Variants in AFAP1 observed in about 807,000 individuals in gnomAD.
The protein encoded by AFAP1 is actin filament-associated protein 1.
Under a neutral mutation model 93.9 loss-of-function variants are expected in AFAP1, and 75 were observed. The observed-to-expected ratio is 0.80, with a 90% CI of 0.66 to 0.97. The LOEUF is 0.97. Ranked by LOEUF, AFAP1 falls within the 50% of genes least tolerant of loss-of-function variation. The pLI is 0.00. For missense variants in AFAP1, 1,201 were observed against 1,050.8 expected, an observed-to-expected ratio of 1.14 and a Z score of -1.98; for synonymous variants, 517 against 430.7, an observed-to-expected ratio of 1.20 and a Z score of -2.48.
chr4:7,901,911 A>G lies in AFAP1; in HGVS notation c.-2-29831T>C, dbSNP rs115862535. On this transcript the variant is annotated intron_variant, in intron 1 of 17. Coordinates refer to ENST00000420658, the MANE Select transcript of AFAP1 (RefSeq NM_001134647.2). ...TGTTCTAAGGCTCACATCTTCCTAT[A>G]AAGTCCCAGAGATTTTATAGTGGAA... Among the ~76,000 whole-genome samples the G allele has an allele frequency of 6.3e-3, 964 of 152,312 alleles. 7 individuals carry two copies. Among genetic ancestry groups the G allele is most frequent in the African/African-American group, 0.021 (854 of 41,558 alleles).
chr4:7,924,620 T>C (rs983773258), intron 1 of AFAP1, among the ~76,000 whole-genome samples: 8 of 152,208 alleles, frequency 5.3e-5, no homozygotes, highest in South Asian at 4.1e-4. Flanking sequence ...TGTCATTTGA[T>C]ATTTTTACTG....
chr4:7,906,847 C>G (rs1166303492), intron 1 of AFAP1, among the ~76,000 whole-genome samples: 1 of 152,072 alleles, frequency 6.6e-6, no homozygotes, highest in Non-Finnish European at 1.5e-5. Flanking sequence ...ATGGCGAAGC[C>G]CCATCTCTAC....
chr4:7,923,198 T>G (rs1248260083), intron 1 of AFAP1, among the ~76,000 whole-genome samples: 1 of 152,204 alleles, frequency 6.6e-6, no homozygotes, highest in East Asian at 1.9e-4. Flanking sequence ...TATAAAGGAA[T>G]GGACTACCAC....
At chr4:7,816,820 G>A (rs1176688017) in intron 7 of AFAP1, among the ~76,000 whole-genome samples, 2 of 152,202 alleles carry the variant, frequency 1.3e-5, no homozygotes, top group Admixed American at 6.5e-5. Context: ...GATGAGATAT[G>A]TGAGCAGTTC....
chr4:7,843,452 G>A, intron 4 of AFAP1, 102 bp from the exon 5 acceptor site: 2 of 1,063,988 alleles, frequency 1.9e-6, no homozygotes, highest in African/African-American at 3.2e-5. Flanking sequence ...CCAAGTAACT[G>A]AATGAGAAAG....
At position 7,833,589 on chromosome 4, in the gene AFAP1, C is replaced by CTTTTT. The variant is rs33990733; in HGVS notation, c.726+4930_726+4934dup. 4.4e-4 allele frequency among the ~76,000 whole-genome samples: 58 copies of CTTTTT among 131,774 alleles called. No homozygotes were observed. The East Asian group carries it at 9.3e-3, about 21-fold the overall frequency. The allele number at this position is 131,774 out of a possible 152,430, so 86.4% of individuals were successfully genotyped here. A position where few individuals can be genotyped will look rare whatever the true frequency, so the allele number is the denominator to read the frequency against. On this transcript the variant is annotated intron_variant, in intron 6 of 17. Coordinates refer to ENST00000420658, the MANE Select transcript of AFAP1 (RefSeq NM_001134647.2). ...ACTATGGAAAACAGTGTGGAGATGT[C>CTTTTT]TTTTTTTTTTTTTTTTTTAGATGGA...
rs1333243505 is a variant in AFAP1, at chr4:7,868,626, C to G, written c.221G>C (p.Trp74Ser). 1 of 1,611,430 alleles carries G rather than the reference C, an allele frequency of 6.2e-7. No homozygotes were observed. Among genetic ancestry groups the G allele is most frequent in the Non-Finnish European group, 8.5e-7 (1 of 1,179,630 alleles). Residue 74 changes from tryptophan to serine, a missense_variant, in exon 3 of 18, where the codon TGG (tryptophan) becomes TCG (serine). Trp to Ser is a radical substitution (Grantham distance 177). Transcript: ENST00000420658. ...QMPLPEIPQP[W>S]LPPDSGPPPL... ...GATGGTGGGACCTTGACTCACCAGCCAGGGCTGAGGGATCTCCGGCAGGGG... is the reference window on the plus strand; with the variant it reads ...GATGGTGGGACCTTGACTCACCAGCGAGGGCTGAGGGATCTCCGGCAGGGG...
intron 11 of AFAP1, 99 bp downstream of exon 11, chr4:7,793,582 T>C (rs1718094893): frequency 7.9e-7 from 1 of 1,260,600 alleles, no homozygotes; most frequent in African/African-American, 1.5e-5. Flanking sequence ...TTAGTTTTTC[T>C]TCTGGGTCTA....
Position 7,843,190 on chromosome 4 carries a change from C to A in AFAP1, c.495G>T (p.Arg165=). The change falls in exon 5 of 18, where the codon CGG becomes CGT. Residue 165 remains arginine, a synonymous_variant. Transcript: ENST00000420658. Reference sequence around the variant, plus strand: ...AGAGCAACTTGGTCCACTGGCCGAACCGCTTCTTCCGCAGCAGGAAGGCGC... The same window carrying A: ...AGAGCAACTTGGTCCACTGGCCGAAACGCTTCTTCCGCAGCAGGAAGGCGC... ...KICAFLLRKK[R]FGQWTKLLCV... 6.2e-7 allele frequency: 1 copy of A among 1,614,200 alleles called. No homozygotes were observed. The highest frequency in any genetic ancestry group is 8.5e-7 in the Non-Finnish European group (1 of 1,180,040).
chr4:7,890,734 C>T (rs1237138822), intron 1 of AFAP1, among the ~76,000 whole-genome samples: 1 of 152,136 alleles, frequency 6.6e-6, no homozygotes, highest in Non-Finnish European at 1.5e-5. Flanking sequence ...ATTAAAATCA[C>T]AATGAGATGC....
intron 1 of AFAP1, among the ~76,000 whole-genome samples, chr4:7,873,316 C>T (rs1717226075): frequency 9.5e-6 from 1 of 105,454 alleles, no homozygotes; most frequent in Non-Finnish European, 1.9e-5. Context: ...AATGGCTTTT[C>T]TTAAATCTAA....
chr4:7,896,223 A>C (rs927945571), intron 1 of AFAP1, among the ~76,000 whole-genome samples: 1 of 152,128 alleles, frequency 6.6e-6, no homozygotes, highest in South Asian at 2.1e-4. Context: ...GTAATGCCTA[A>C]AACACAGTAT....
intron 5 of AFAP1, among the ~76,000 whole-genome samples, chr4:7,839,084 C>T (rs1304044435): frequency 6.6e-6 from 1 of 152,182 alleles, no homozygotes; most frequent in African/African-American, 2.4e-5. Context: ...CCTGTAATCC[C>T]AACACTTTGG....
intron 5 of AFAP1, among the ~76,000 whole-genome samples, chr4:7,840,261 GATGTGTGT>G (rs2149109110): frequency 3.6e-5 from 2 of 56,248 alleles, no homozygotes; most frequent in African/African-American, 1.3e-4. Flanking sequence ...TTGTTTTTGG[GATGTGTGT>G]GTGTGTGTGT....
rs71175435 is a variant in AFAP1 at position 7,874,530 on chromosome 4, A to ATTTTTT, written c.-2-2456_-2-2451dup. 4.7e-3 allele frequency among the ~76,000 whole-genome samples: 241 copies of ATTTTTT among 51,494 alleles called. 21 individuals are homozygous for ATTTTTT. Among genetic ancestry groups the ATTTTTT allele is most frequent in the African/African-American group, 0.012 (105 of 9,078 alleles). The allele number at this position is 51,494 out of a possible 152,430, so 33.8% of individuals were successfully genotyped here. A position where few individuals can be genotyped will look rare whatever the true frequency, so the allele number is the denominator to read the frequency against. On this transcript the variant is annotated intron_variant, in intron 1 of 17. Transcript: ENST00000420658. ...AGGCACCTACCACCATGCCCAGCTA[A>ATTTTTT]TTTTTTTTTTTTTTTTTTTTTTTTT...
At chr4:7,854,753 T>C (rs1050976729) in intron 4 of AFAP1, among the ~76,000 whole-genome samples, 2 of 152,210 alleles carry the variant, frequency 1.3e-5, no homozygotes, top group Non-Finnish European at 2.9e-5. Flanking sequence ...ATTCCATTAG[T>C]TGACATACAT....
chr4:7,927,857 T>C (rs942967406), intron 1 of AFAP1, among the ~76,000 whole-genome samples: 4 of 152,192 alleles, frequency 2.6e-5, no homozygotes, highest in African/African-American at 7.2e-5. Flanking sequence ...TGTGTATGTA[T>C]AAAGTTGCCC....
rs745680965 is a variant in AFAP1, at chr4:7,786,292, T to C, written c.1432A>G (p.Ile478Val). 2.5e-6 allele frequency: 4 copies of C among 1,614,028 alleles called. No individual in the cohort carries two copies. Among genetic ancestry groups the C allele is most frequent in the Admixed American group, 3.3e-5 (2 of 60,026 alleles). ...CCCCCTAGATATGGGTTAGCAGATA[T>C]AACACGCCTGTTCATGAAACTGAAA... ...QTFCFMNRRV[I>V]SANPYLGGTS... The change falls in exon 12 of 18, where the codon ATA (isoleucine) becomes GTA (valine). Residue 478 changes from isoleucine (I) to valine (V), a missense_variant. Ile to Val is a conservative substitution (Grantham distance 29, BLOSUM62 3). Coordinates refer to ENST00000420658, the MANE Select transcript of AFAP1 (RefSeq NM_001134647.2).
chr4:7,827,391 G>C (rs1279937323), intron 6 of AFAP1, among the ~76,000 whole-genome samples: 2 of 151,732 alleles, frequency 1.3e-5, no homozygotes, highest in Non-Finnish European at 2.9e-5. Flanking sequence ...GACCAACATA[G>C]AGAAACCCCG....
Sources: gnomAD v4.1 joint callset for allele counts (sites outside exome capture counted in the v4.1 genomes callset) on GRCh38, gnomAD v4.1.1 for gene constraint, MANE v1.5 for transcripts, NCBI Gene and HGNC (gene_info 2026-07-23, HGNC 2026-07-21) for gene names.